Variants in DACH2 observed in about 807,000 individuals in gnomAD.
The protein encoded by DACH2 is dachshund family transcription factor 2.
Under a neutral mutation model 35.8 loss-of-function variants are expected in DACH2, and 17 were observed. That is an observed-to-expected ratio of 0.48 (90% CI 0.33 to 0.71). DACH2 has a LOEUF of 0.71. DACH2 is among the 30% of genes least tolerant of loss of function. DACH2 has a pLI of 0.02. For synonymous variants in DACH2, 195 were observed against 177.3 expected, an observed-to-expected ratio of 1.10 and a Z score of -0.79; for missense variants, 469 against 472.7, an observed-to-expected ratio of 0.99 and a Z score of 0.07.
chrX:86,474,457 C>T (rs1212250320), intron 2 of DACH2, among the ~76,000 whole-genome samples: 2 of 111,443 alleles, frequency 1.8e-5, no homozygotes, highest in Non-Finnish European at 3.8e-5. Flanking sequence ...AGAAGAGTTT[C>T]CCCAATGTTT....
chrX:86,296,254 G>A (rs6623639), intron 1 of DACH2, among the ~76,000 whole-genome samples: 42,528 of 100,424 alleles, frequency 0.42, 7,693 homozygotes, highest in East Asian at 0.51. Context: ...GATGGTGGGG[G>A]CCTGTAGTCC....
intron 1 of DACH2, among the ~76,000 whole-genome samples, chrX:86,177,742 A>T (rs766717888): frequency 9.0e-6 from 1 of 111,443 alleles, no homozygotes; most frequent in East Asian, 2.8e-4. Flanking sequence ...AGCCATATGT[A>T]GTAACATCTG....
intron 1 of DACH2, among the ~76,000 whole-genome samples, chrX:86,190,370 A>G (rs1295370353): frequency 3.6e-5 from 4 of 110,504 alleles, no homozygotes; most frequent in African/African-American, 1.3e-4. Context: ...GCATATTCCT[A>G]TTTCACTACT....
chrX:86,498,249 A>G (rs911520266), intron 2 of DACH2, among the ~76,000 whole-genome samples: 2 of 111,661 alleles, frequency 1.8e-5, no homozygotes. Context: ...TAAGCATATC[A>G]TGTATTAAAA....
At chrX:86,699,148 T>C (rs994870761) in intron 5 of DACH2, among the ~76,000 whole-genome samples, 8 of 111,715 alleles carry the variant, frequency 7.2e-5, no homozygotes, top group Non-Finnish European at 1.3e-4. Context: ...ATGACAGAAC[T>C]AGACAGAGCA....
chrX:86,411,635 T>C (rs1360626263), intron 2 of DACH2, among the ~76,000 whole-genome samples: 1 of 111,946 alleles, frequency 8.9e-6, no homozygotes, highest in Non-Finnish European at 1.9e-5. Flanking sequence ...CAATAAATCT[T>C]ATGTCACATG....
chrX:86,773,014 G>A (rs1386516375), intron 7 of DACH2, among the ~76,000 whole-genome samples: 1 of 111,641 alleles, frequency 9.0e-6, no homozygotes, highest in Non-Finnish European at 1.9e-5. Flanking sequence ...TGCTTGCCAA[G>A]GGCTTAAAAT....
chrX:86,323,983 C>A (rs749689617), intron 1 of DACH2, among the ~76,000 whole-genome samples: 1 of 111,726 alleles, frequency 9.0e-6, no homozygotes, highest in African/African-American at 3.3e-5. Context: ...TGCTCCTTTA[C>A]GCACTTTTCT....
At chrX:86,600,885 C>T (rs942341585) in intron 3 of DACH2, among the ~76,000 whole-genome samples, 1 of 111,182 alleles carries the variant, frequency 9.0e-6, no homozygotes, top group African/African-American at 3.3e-5. Flanking sequence ...GGTGGGAAGT[C>T]AGAGAGCAAA....
intron 3 of DACH2, among the ~76,000 whole-genome samples, chrX:86,536,055 T>C (rs2038794595): frequency 9.0e-6 from 1 of 110,903 alleles, no homozygotes. Flanking sequence ...AAAAATGGGC[T>C]TTTAACCTTC....
chrX:86,339,450 A>G (rs1273420407), intron 1 of DACH2, among the ~76,000 whole-genome samples: 3 of 112,179 alleles, frequency 2.7e-5, no homozygotes, highest in Non-Finnish European at 5.6e-5. Context: ...AATGATTTTA[A>G]CAAACACATC....
intron 7 of DACH2, among the ~76,000 whole-genome samples, chrX:86,749,485 T>C (rs1326493623): frequency 1.8e-5 from 2 of 111,065 alleles, no homozygotes; most frequent in South Asian, 7.6e-4. Context: ...GGAAGAGAAA[T>C]GGGGGGACGA....
At chrX:86,403,862 A>C (rs765063491) in intron 2 of DACH2, among the ~76,000 whole-genome samples, 42 of 111,183 alleles carry the variant, frequency 3.8e-4, no homozygotes, top group African/African-American at 1.2e-3. Context: ...TAATTGACTC[A>C]CACTTCTGTA....
rs12841243 is a variant in DACH2 at position 86,200,361 on chromosome X, A to G, written c.488+51253A>G. On this transcript the variant is annotated intron_variant, in intron 1 of 11. Transcript: ENST00000373125. ...AAGAAAACCTAGTCAATACCATTCT[A>G]GACATAGGATCAGGCAAAGATTTTA... is the stretch of plus-strand genomic sequence containing the variant. Among the ~76,000 whole-genome samples, 500 of 111,643 alleles carry G rather than the reference A, an allele frequency of 4.5e-3. 1 individual carries two copies. Among genetic ancestry groups the G allele is most frequent in the Non-Finnish European group, 7.0e-3 (372 of 53,090 alleles).
At chrX:86,475,344 G>T (rs2037825480) in intron 2 of DACH2, among the ~76,000 whole-genome samples, 1 of 111,143 alleles carries the variant, frequency 9.0e-6, no homozygotes, top group Non-Finnish European at 1.9e-5. Context: ...TCTTTTTTGT[G>T]TATGTGTCCT....
intron 2 of DACH2, among the ~76,000 whole-genome samples, chrX:86,443,014 C>A (rs1057454409): frequency 2.7e-5 from 3 of 111,685 alleles, no homozygotes; most frequent in Non-Finnish European, 5.7e-5. Flanking sequence ...AGTGTGATGC[C>A]TCCAGCTTTT....
chrX:86,570,310 C>G (rs1338520919), intron 3 of DACH2, among the ~76,000 whole-genome samples: 1 of 111,322 alleles, frequency 9.0e-6, no homozygotes, highest in Non-Finnish European at 1.9e-5. Context: ...CAGCACTATT[C>G]ACAACAGCAA....
At chrX:86,651,194 A>G (rs1467864082) in intron 4 of DACH2, 27 bp downstream of exon 4, 2 of 1,193,097 alleles carry the variant, frequency 1.7e-6, no homozygotes, top group Non-Finnish European at 2.3e-6. Context: ...ATCCCAGACC[A>G]ATGACTCTTA....
chrX:86,659,105 T>C (rs933726963), intron 4 of DACH2, among the ~76,000 whole-genome samples: 1 of 111,104 alleles, frequency 9.0e-6, no homozygotes, highest in African/African-American at 3.3e-5. Flanking sequence ...TCATTAGATG[T>C]GGAGAAAGAT....
Sources: gnomAD v4.1 joint callset for allele counts (sites outside exome capture counted in the v4.1 genomes callset) on GRCh38, gnomAD v4.1.1 for gene constraint, MANE v1.5 for transcripts, NCBI Gene and HGNC (gene_info 2026-07-23, HGNC 2026-07-21) for gene names.